FGL1: variants seen among roughly 807,000 people sequenced by gnomAD.
The protein encoded by FGL1 is fibrinogen like 1.
A neutral mutation model predicts 43.7 loss-of-function variants in FGL1; 59 were observed. The observed-to-expected ratio is 1.35, with a 90% confidence interval of 1.10 to 1.68. FGL1 has a LOEUF of 1.68. Among genes scored for constraint, FGL1 ranks in the 40% most tolerant of loss-of-function variants. The probability of loss-of-function intolerance (pLI) is 0.00; values close to 1 mark genes in which losing one functional copy is unlikely to be tolerated. For missense variants in FGL1, 596 were observed against 373.0 expected, an observed-to-expected ratio of 1.60 and a Z score of -4.92; for synonymous variants, 192 against 126.5, an observed-to-expected ratio of 1.52 and a Z score of -3.48.
intron 1 of FGL1, among the ~76,000 whole-genome samples, chr8:17,894,444 T>A (rs1023522135): frequency 6.8e-6 from 1 of 147,300 alleles, no homozygotes; most frequent in African/African-American, 2.7e-5. Flanking sequence ...TGTGCTTTTG[T>A]ATTTTTCTTA....
chr8:17,891,531 C>G (rs2053704883), intron 1 of FGL1: 1 of 218,654 alleles, frequency 4.6e-6, no homozygotes, highest in Non-Finnish European at 7.7e-6. Context: ...CATCTTAACT[C>G]AGTTACATGT....
chr8:17,875,543 T>TTCTCTCTCTCTCTC (rs1272838243), intron 3 of FGL1, among the ~76,000 whole-genome samples: 1 of 16,828 alleles, frequency 5.9e-5, no homozygotes, highest in African/African-American at 1.7e-4. Flanking sequence ...TTCTCTTTCT[T>TTCTCTCTCTCTCTC]TCTTTCTTTC....
At chr8:17,871,081 T>C (rs2053352523) in intron 5 of FGL1, among the ~76,000 whole-genome samples, 1 of 152,056 alleles carries the variant, frequency 6.6e-6, no homozygotes, top group African/African-American at 2.4e-5. Flanking sequence ...GGCTTGTTGA[T>C]TTAGCACCAC....
At chr8:17,874,143 T>C in intron 4 of FGL1, 27 bp from the exon 5 acceptor site, 1 of 1,573,822 alleles carries the variant, frequency 6.4e-7, no homozygotes, top group South Asian at 1.1e-5. Context: ...GGAAGCCGAT[T>C]AGAGCAAACT....
At chr8:17,877,089 C>G (rs923823173) in intron 3 of FGL1, among the ~76,000 whole-genome samples, 3 of 152,108 alleles carry the variant, frequency 2.0e-5, no homozygotes, top group South Asian at 2.1e-4. Context: ...TAAATCGTAA[C>G]AGCAGAAAGT....
At chr8:17,880,426 A>C (rs1462629717) in intron 3 of FGL1, among the ~76,000 whole-genome samples, 1 of 152,200 alleles carries the variant, frequency 6.6e-6, no homozygotes, top group Non-Finnish European at 1.5e-5. Context: ...GAAAATAAAC[A>C]TGTTTCTATT....
chr8:17,888,139 A>G (rs900570432), intron 1 of FGL1, among the ~76,000 whole-genome samples: 1 of 151,992 alleles, frequency 6.6e-6, no homozygotes, highest in Admixed American at 6.6e-5. Context: ...ATATTTGCTT[A>G]TGTTAAAAAT....
chr8:17,883,561 ATATAT>A (rs1176024464), intron 2 of FGL1, among the ~76,000 whole-genome samples: 42 of 136,918 alleles, frequency 3.1e-4, no homozygotes, highest in Non-Finnish European at 4.7e-4. Flanking sequence ...ACTTTATATA[ATATAT>A]TATATTTATA....
chr8:17,864,572 C>A lies in FGL1; in HGVS notation c.*20G>T. On this transcript the variant is annotated 3_prime_UTR_variant, in exon 8 of 8. Coordinates refer to ENST00000427924, the MANE Select transcript of FGL1 (RefSeq NM_004467.4). ...TTTAAACAAAGCTGAATTGCAGAAA[C>A]GAAAGCCCAACAGCAGCAATTAAAT... The A allele has an allele frequency of 6.3e-7, 1 of 1,591,612 alleles. No homozygotes were observed. The highest frequency in any genetic ancestry group is 8.5e-7 in the Non-Finnish European group (1 of 1,171,968).
At chr8:17,878,030 A>C (rs2053481985) in intron 3 of FGL1, among the ~76,000 whole-genome samples, 1 of 152,162 alleles carries the variant, frequency 6.6e-6, no homozygotes, top group Non-Finnish European at 1.5e-5. Flanking sequence ...GCAGTGGCAC[A>C]GTCAGCTCAC....
intron 1 of FGL1, among the ~76,000 whole-genome samples, chr8:17,890,450 C>A (rs1435771891): frequency 6.6e-6 from 1 of 152,150 alleles, no homozygotes; most frequent in East Asian, 1.9e-4. Context: ...AATACACAGA[C>A]TTCTCAGGGC....
chr8:17,874,043 T>A lies in FGL1; in HGVS notation c.478A>T (p.Asn160Tyr). The change falls in exon 5 of 8, where the codon AAT (asparagine) becomes TAT (tyrosine). Residue 160 changes from asparagine to tyrosine, a missense_variant. Coordinates refer to ENST00000427924, the MANE Select transcript of FGL1 (RefSeq NM_004467.4). ...CCTTGAGTGGTCAAGAAGTGAAGAT[T>A]TTTATTGCCCAGCCAATATTCACCA... is the stretch of plus-strand genomic sequence containing the variant. ...KHGEYWLGNK[N>Y]LHFLTTQEDY... 6.2e-7 allele frequency: 1 copy of A among 1,610,896 alleles called. No individual in the cohort carries two copies. The highest frequency in any genetic ancestry group is 8.5e-7 in the Non-Finnish European group (1 of 1,179,138).
At chr8:17,869,933 C>T (rs557653573) in intron 5 of FGL1, among the ~76,000 whole-genome samples, 1 of 152,098 alleles carries the variant, frequency 6.6e-6, no homozygotes, top group African/African-American at 2.4e-5. Context: ...CACTGTGAAA[C>T]CCCGTCTCTA....
chr8:17,867,907 C>G (rs1324956288), intron 7 of FGL1, among the ~76,000 whole-genome samples: 1 of 151,944 alleles, frequency 6.6e-6, no homozygotes, highest in Non-Finnish European at 1.5e-5. Flanking sequence ...CCATCTCTAC[C>G]AAAAATGCAA....
At chr8:17,887,023 G>T (rs1386095652) in intron 1 of FGL1, among the ~76,000 whole-genome samples, 1 of 152,148 alleles carries the variant, frequency 6.6e-6, no homozygotes, top group African/African-American at 2.4e-5. Flanking sequence ...GAATATGGAA[G>T]ATTTACTTTC....
At chr8:17,876,671 C>T (rs532796470) in intron 3 of FGL1, among the ~76,000 whole-genome samples, 81 of 152,130 alleles carry the variant, frequency 5.3e-4, no homozygotes, top group African/African-American at 1.8e-3. Flanking sequence ...AGATTTTAGC[C>T]CTATTTGGAA....
chr8:17,872,746 G>GA (rs1453882040), intron 5 of FGL1, among the ~76,000 whole-genome samples: 1 of 152,182 alleles, frequency 6.6e-6, no homozygotes, highest in Non-Finnish European at 1.5e-5. Context: ...CAATGGATTG[G>GA]AGCAAAAGAA....
intron 2 of FGL1, among the ~76,000 whole-genome samples, chr8:17,883,112 T>C (rs1449615226): frequency 4.6e-5 from 2 of 43,224 alleles, no homozygotes; most frequent in Admixed American, 3.3e-4. Flanking sequence ...TTAAATAATA[T>C]ATATCATATA....
At chr8:17,891,866 T>C in intron 1 of FGL1, 2 of 869,486 alleles carry the variant, frequency 2.3e-6, no homozygotes, top group Non-Finnish European at 2.8e-6. Context: ...TAAACTTTTT[T>C]GTGATTTGCA....
Sources: gnomAD v4.1 joint callset for allele counts (sites outside exome capture counted in the v4.1 genomes callset) on GRCh38, gnomAD v4.1.1 for gene constraint, MANE v1.5 for transcripts, NCBI Gene and HGNC (gene_info 2026-07-23, HGNC 2026-07-21) for gene names.